Variants in DGKB observed in about 807,000 individuals in gnomAD.
The protein encoded by DGKB is 90 kDa diacylglycerol kinase.
A neutral mutation model predicts 114.3 loss-of-function variants in DGKB; 67 were observed. The ratio of observed to expected loss-of-function variants is 0.59; its 90% CI spans 0.48 to 0.72. DGKB has a LOEUF of 0.72. DGKB is among the 30% of genes least tolerant of loss of function. The pLI is 0.00. For synonymous variants in DGKB, 398 were observed against 323.1 expected (o/e 1.23, Z -2.49); for missense variants, 907 against 975.2 (o/e 0.93, Z 0.93).
At chr7:14,775,911 G>A (rs1163607819) in intron 2 of DGKB, among the ~76,000 whole-genome samples, 1 of 152,110 alleles carries the variant, frequency 6.6e-6, no homozygotes, top group Non-Finnish European at 1.5e-5. Flanking sequence ...CTGGGTAACA[G>A]GAAGAGGCTG....
At chr7:14,582,857 T>C (rs993751355) in intron 18 of DGKB, among the ~76,000 whole-genome samples, 195 bp downstream of exon 18, 2 of 152,204 alleles carry the variant, frequency 1.3e-5, no homozygotes, top group Non-Finnish European at 2.9e-5. Context: ...GAAGGACTTC[T>C]ATGTACTTCT....
intron 13 of DGKB, among the ~76,000 whole-genome samples, chr7:14,640,982 T>C (rs563137937): frequency 2.6e-5 from 4 of 152,282 alleles, no homozygotes; most frequent in Admixed American, 6.5e-5. Context: ...CTATTAGCTC[T>C]AGATATATGC....
At chr7:14,676,583 A>G (rs1045353050) in intron 12 of DGKB, among the ~76,000 whole-genome samples, 8 of 152,098 alleles carry the variant, frequency 5.3e-5, no homozygotes, top group Non-Finnish European at 7.4e-5. Context: ...TAAAAATAAA[A>G]AAATTAAATA....
intron 20 of DGKB, among the ~76,000 whole-genome samples, chr7:14,532,586 CATA>C (rs1298202844): frequency 7.9e-5 from 12 of 151,144 alleles, no homozygotes; most frequent in Middle Eastern, 3.4e-3. Flanking sequence ...ATAAGAAATA[CATA>C]ATAATAATAA....
At chr7:14,880,965 G>A (rs1854136478) in intron 1 of DGKB, among the ~76,000 whole-genome samples, 1 of 152,006 alleles carries the variant, frequency 6.6e-6, no homozygotes, top group African/African-American at 2.4e-5. Context: ...TTCTATTCAA[G>A]TGTCTATTTT....
intron 20 of DGKB, among the ~76,000 whole-genome samples, chr7:14,535,657 AGCTTACT>A (rs1792348586): frequency 6.6e-6 from 1 of 152,122 alleles, no homozygotes; most frequent in Non-Finnish European, 1.5e-5. Context: ...GTGTGATCTC[AGCTTACT>A]GCAACCTCCG....
intron 1 of DGKB, among the ~76,000 whole-genome samples, chr7:14,947,931 A>T (rs1296197702): frequency 2.0e-5 from 3 of 151,820 alleles, no homozygotes; most frequent in African/African-American, 7.2e-5. Flanking sequence ...TGAAAGGAAA[A>T]AAATAAACAA....
chr7:14,851,871 C>T (rs1849398241), intron 1 of DGKB, among the ~76,000 whole-genome samples: 1 of 152,170 alleles, frequency 6.6e-6, no homozygotes, highest in South Asian at 2.1e-4. Context: ...CACCCCCAAA[C>T]ATGAGTAAAG....
intron 5 of DGKB, among the ~76,000 whole-genome samples, chr7:14,720,509 G>C (rs1463865051): frequency 2.4e-5 from 3 of 123,738 alleles, no homozygotes; most frequent in African/African-American, 2.8e-5. Context: ...GTGTGTGTGT[G>C]TGTGTGTGTA....
chr7:14,175,597 C>T (rs1234669080), intron 25 of DGKB, among the ~76,000 whole-genome samples: 6 of 152,290 alleles, frequency 3.9e-5, no homozygotes, highest in Non-Finnish European at 7.3e-5. Flanking sequence ...TACAATCAAT[C>T]CTCCACAGAG....
intron 13 of DGKB, among the ~76,000 whole-genome samples, chr7:14,659,794 C>T (rs1289805331): frequency 1.3e-5 from 2 of 150,976 alleles, no homozygotes; most frequent in East Asian, 2.1e-4. Flanking sequence ...TGAGAGAGGG[C>T]ATCCCTGTCT....
At chr7:14,779,046 C>G (rs1038589620) in intron 2 of DGKB, among the ~76,000 whole-genome samples, 2 of 152,042 alleles carry the variant, frequency 1.3e-5, no homozygotes, top group African/African-American at 4.8e-5. Context: ...GTCCAAGCTA[C>G]TCAGGAGGTT....
intron 20 of DGKB, among the ~76,000 whole-genome samples, chr7:14,494,075 C>G (rs1784967665): frequency 6.6e-6 from 1 of 151,692 alleles, no homozygotes; most frequent in African/African-American, 2.4e-5. Context: ...TATTTTGGCA[C>G]CGATGTATTA....
intron 21 of DGKB, among the ~76,000 whole-genome samples, chr7:14,391,204 A>T (rs1554403923): frequency 6.6e-6 from 1 of 152,194 alleles, no homozygotes; most frequent in African/African-American, 2.4e-5. Flanking sequence ...CTATTTTTGC[A>T]TGGAAATGTA....
At chr7:14,897,460 A>T (rs1782284442) in intron 1 of DGKB, among the ~76,000 whole-genome samples, 1 of 151,850 alleles carries the variant, frequency 6.6e-6, no homozygotes, top group African/African-American at 2.4e-5. Flanking sequence ...CTAAAGGGAA[A>T]TAAGAGTTTA....
At position 14,682,779 on chromosome 7, in the gene DGKB, A is replaced by G; in HGVS notation, c.892T>C (p.Tyr298His). 2.5e-6 allele frequency: 4 copies of G among 1,611,072 alleles called. No individual in the cohort carries two copies. Among genetic ancestry groups the G allele is most frequent in the Non-Finnish European group, 2.5e-6 (3 of 1,178,322 alleles). ...TCAGTGTTCCTTTTGGACTTCACAT[A>G]GGTCTTGATGCAAGAGGGAGGTGCT... The part of the protein sequence containing the change: ...ARAPPSCIKT[Y>H]VKSKRNTDVM... Residue 298 changes from tyrosine to histidine, a missense_variant, in exon 11 of 26, where the codon TAT becomes CAT. Physicochemically the swap from Tyr to His is moderately conservative, Grantham distance 83 (BLOSUM62 2). Transcript: ENST00000402815.
chr7:14,626,743 A>T (rs1808668586), intron 14 of DGKB, among the ~76,000 whole-genome samples: 1 of 152,214 alleles, frequency 6.6e-6, no homozygotes, highest in South Asian at 2.1e-4. Flanking sequence ...CTATTTGCTG[A>T]CTAGAAAAAA....
At chr7:14,791,724 C>T (rs1424952196) in intron 2 of DGKB, among the ~76,000 whole-genome samples, 2 of 152,082 alleles carry the variant, frequency 1.3e-5, no homozygotes, top group Non-Finnish European at 2.9e-5. Context: ...TGAAAGATCA[C>T]ACTGATTGAT....
chr7:14,672,801 A>G (rs929228951), intron 13 of DGKB, 128 bp downstream of exon 13: 5 of 487,648 alleles, frequency 1.0e-5, no homozygotes, highest in African/African-American at 7.8e-5. Flanking sequence ...CAGAGTAACG[A>G]CGTATTTTAG....
Sources: gnomAD v4.1 joint callset for allele counts (sites outside exome capture counted in the v4.1 genomes callset) on GRCh38, gnomAD v4.1.1 for gene constraint, MANE v1.5 for transcripts, NCBI Gene and HGNC (gene_info 2026-07-23, HGNC 2026-07-21) for gene names.